Variants in TTC28 observed in about 807,000 individuals in gnomAD.
TTC28 encodes tetratricopeptide repeat protein 28.
TTC28 carries 61 observed loss-of-function variants against 198.0 expected under a neutral mutation model. That is an observed-to-expected ratio of 0.31 (90% CI 0.25 to 0.38). TTC28 has a LOEUF of 0.38. Among genes scored for constraint, TTC28 ranks in the 10% least tolerant of loss-of-function variants. TTC28 has a pLI of 1.00. For synonymous variants in TTC28, 1,171 were observed against 1,297.8 expected, an observed-to-expected ratio of 0.90 and a Z score of 2.10; for missense variants, 2,678 against 3,164.0, an observed-to-expected ratio of 0.85 and a Z score of 3.69.
chr22:28,194,559 G>C (rs1053633673), intron 5 of TTC28, among the ~76,000 whole-genome samples: 23 of 152,176 alleles, frequency 1.5e-4, no homozygotes, highest in Admixed American at 1.0e-3. Flanking sequence ...GAAGAAAAGA[G>C]AGAAGAGTCA....
chr22:28,247,699 C>A (rs1930208244), intron 5 of TTC28, among the ~76,000 whole-genome samples: 1 of 152,158 alleles, frequency 6.6e-6, no homozygotes, highest in Non-Finnish European at 1.5e-5. Context: ...AATGAGAATA[C>A]TTTACCTTGA....
intron 2 of TTC28, among the ~76,000 whole-genome samples, chr22:28,451,979 G>C (rs2047784580): frequency 6.6e-6 from 1 of 152,048 alleles, no homozygotes; most frequent in Non-Finnish European, 1.5e-5. Flanking sequence ...AAGAAACCCT[G>C]ATTATTCAGT....
chr22:28,617,239 G>A (rs931264928), intron 2 of TTC28, among the ~76,000 whole-genome samples: 26 of 151,822 alleles, frequency 1.7e-4, no homozygotes, highest in Admixed American at 1.4e-3. Context: ...GGTGGCTCAC[G>A]CCTGTAATCC....
chr22:28,540,991 A>C (rs1219595604), intron 2 of TTC28, among the ~76,000 whole-genome samples: 1 of 152,226 alleles, frequency 6.6e-6, no homozygotes, highest in African/African-American at 2.4e-5. Context: ...CAACAAGAAA[A>C]GATCAAACTA....
chr22:28,618,962 G>A (rs1463942306), intron 2 of TTC28, among the ~76,000 whole-genome samples: 1 of 152,050 alleles, frequency 6.6e-6, no homozygotes, highest in Non-Finnish European at 1.5e-5. Flanking sequence ...TATATATGTG[G>A]TGAAAAATAA....
chr22:28,472,074 CTAA>C (rs1237848350), intron 2 of TTC28, among the ~76,000 whole-genome samples: 1 of 152,080 alleles, frequency 6.6e-6, no homozygotes, highest in Non-Finnish European at 1.5e-5. Context: ...TCCTGAATAG[CTAA>C]TAAAAGCCCC....
At chr22:28,341,478 C>T (rs934939656) in intron 2 of TTC28, among the ~76,000 whole-genome samples, 8 of 151,942 alleles carry the variant, frequency 5.3e-5, no homozygotes, top group Non-Finnish European at 1.5e-5. Flanking sequence ...ACAGTGAGAT[C>T]TCATCTTAAC....
At chr22:28,369,994 T>C (rs1188053990) in intron 2 of TTC28, among the ~76,000 whole-genome samples, 1 of 152,156 alleles carries the variant, frequency 6.6e-6, no homozygotes, top group Non-Finnish European at 1.5e-5. Flanking sequence ...AACCCTGCCT[T>C]ATCGCCTCCC....
intron 2 of TTC28, among the ~76,000 whole-genome samples, chr22:28,358,817 A>G (rs1343919271): frequency 1.3e-5 from 2 of 152,186 alleles, no homozygotes; most frequent in Non-Finnish European, 2.9e-5. Context: ...GAGGACCACT[A>G]TGATTCCTGA....
At chr22:28,111,828 G>C (rs181851277) in intron 6 of TTC28, among the ~76,000 whole-genome samples, 1 of 152,274 alleles carries the variant, frequency 6.6e-6, no homozygotes, top group East Asian at 1.9e-4. Context: ...CAAGTGGTGA[G>C]AGGCAATTGG....
intron 2 of TTC28, among the ~76,000 whole-genome samples, chr22:28,473,461 T>C (rs2048123981): frequency 1.3e-5 from 2 of 152,198 alleles, no homozygotes; most frequent in African/African-American, 2.4e-5. Context: ...ACTATTGCCA[T>C]GGCAATAACT....
chr22:28,196,573 A>G (rs1462890617), intron 5 of TTC28, among the ~76,000 whole-genome samples: 2 of 152,182 alleles, frequency 1.3e-5, no homozygotes, highest in African/African-American at 4.8e-5. Context: ...ATCTACAATG[A>G]ACTCCAACAA....
At chr22:28,186,268 T>A (rs1924197290) in intron 5 of TTC28, among the ~76,000 whole-genome samples, 1 of 152,124 alleles carries the variant, frequency 6.6e-6, no homozygotes, top group Admixed American at 6.5e-5. Flanking sequence ...AACCTGCCCA[T>A]AAGTGTAGAA....
chr22:28,177,278 G>C (rs1227283493), intron 5 of TTC28, among the ~76,000 whole-genome samples: 1 of 152,150 alleles, frequency 6.6e-6, no homozygotes, highest in South Asian at 2.1e-4. Context: ...TGTCATTAGG[G>C]AATGGCAAAC....
intron 2 of TTC28, among the ~76,000 whole-genome samples, chr22:28,577,436 T>C (rs2050168227): frequency 6.6e-6 from 1 of 152,146 alleles, no homozygotes; most frequent in Non-Finnish European, 1.5e-5. Context: ...AAAATGTGTA[T>C]TCTGTAGACA....
intron 14 of TTC28, among the ~76,000 whole-genome samples, chr22:28,006,047 T>C (rs1202272972): frequency 6.6e-6 from 1 of 152,142 alleles, no homozygotes; most frequent in Non-Finnish European, 1.5e-5. Flanking sequence ...CCGTGTGCAG[T>C]GGCCCAGGAA....
chr22:28,524,267 C>A (rs569974032), intron 2 of TTC28, among the ~76,000 whole-genome samples: 1 of 151,630 alleles, frequency 6.6e-6, no homozygotes, highest in Non-Finnish European at 1.5e-5. Flanking sequence ...ACCATCCCGG[C>A]TAACACGGTG....
intron 2 of TTC28, among the ~76,000 whole-genome samples, chr22:28,579,199 A>G (rs2050195713): frequency 6.6e-6 from 1 of 150,758 alleles, no homozygotes; most frequent in African/African-American, 2.4e-5. Context: ...TACATACATT[A>G]TATATACACA....
At chr22:28,643,757 G>T (rs888913877) in intron 1 of TTC28, among the ~76,000 whole-genome samples, 1 of 152,108 alleles carries the variant, frequency 6.6e-6, no homozygotes, top group African/African-American at 2.4e-5. Context: ...AACGTATATT[G>T]TGAGTCTCCA....
Sources: allele counts gnomAD v4.1 joint callset (sites outside exome capture counted in the v4.1 genomes callset), GRCh38; gene constraint gnomAD v4.1.1; transcripts MANE v1.5; gene names NCBI Gene and HGNC (gene_info 2026-07-23, HGNC 2026-07-21).